KTN1: variants seen among roughly 807,000 people sequenced by gnomAD.
KTN1 encodes kinectin.
Under a neutral mutation model 222.5 loss-of-function variants are expected in KTN1, and 130 were observed. The ratio of observed to expected loss-of-function variants is 0.58; its 90% CI spans 0.51 to 0.68. The LOEUF (loss-of-function observed/expected upper bound fraction) is 0.68. Among genes scored for constraint, KTN1 ranks in the 30% least tolerant of loss-of-function variants. The probability of loss-of-function intolerance (pLI) is 0.00; values close to 1 mark genes in which losing one functional copy is unlikely to be tolerated. For synonymous variants in KTN1, 512 were observed against 496.3 expected (o/e 1.03, Z -0.42); for missense variants, 1,508 against 1,500.4 (o/e 1.01, Z -0.08).
chr14:55,580,287 A>C lies in KTN1; in HGVS notation c.-98A>C, dbSNP rs1230379743. The C allele has an allele frequency of 6.5e-6, 1 of 153,072 alleles. No homozygotes were observed. Among genetic ancestry groups the C allele is most frequent in the African/African-American group, 2.5e-5 (1 of 40,292 alleles). The allele number at this position is 153,072 out of a possible 1,614,324, so 9.5% of individuals were successfully genotyped here. ...GGCGGCGGCGGCGGCGGCGCCTCGG[A>C]GCGGGCGGCCCGGGCTGTAGTGCCG... On this transcript the variant is annotated 5_prime_UTR_variant, in exon 1 of 44. Coordinates refer to ENST00000395314, the MANE Select transcript of KTN1 (RefSeq NM_001079521.2).
chr14:55,585,613 T>A (rs1367783807), intron 1 of KTN1, among the ~76,000 whole-genome samples: 1 of 152,232 alleles, frequency 6.6e-6, no homozygotes, highest in Non-Finnish European at 1.5e-5. Flanking sequence ...TTTATAGATT[T>A]TTCCAGTTAT....
intron 2 of KTN1, among the ~76,000 whole-genome samples, chr14:55,613,815 C>A (rs1180771737): frequency 6.6e-6 from 1 of 151,890 alleles, no homozygotes; most frequent in African/African-American, 2.4e-5. Context: ...AGGATCAAGG[C>A]ATAGTAAGAA....
chr14:55,660,943 C>T (rs1477995271), intron 31 of KTN1, among the ~76,000 whole-genome samples: 3 of 152,166 alleles, frequency 2.0e-5, no homozygotes. Flanking sequence ...TAACTTTCTA[C>T]TCCAGCCACT....
At chr14:55,607,716 A>T (rs1289017549) in intron 1 of KTN1, among the ~76,000 whole-genome samples, 1 of 152,130 alleles carries the variant, frequency 6.6e-6, no homozygotes, top group African/African-American at 2.4e-5. Flanking sequence ...GAGGTTAAAG[A>T]GGTAACTAAT....
chr14:55,651,585 A>T (rs979217044), intron 24 of KTN1: 5 of 373,924 alleles, frequency 1.3e-5, no homozygotes, highest in Non-Finnish European at 2.5e-5. Flanking sequence ...AACCAGTTAC[A>T]GATTTCTTTA....
chr14:55,615,404 C>T (rs1397155280), intron 2 of KTN1, among the ~76,000 whole-genome samples: 1 of 148,494 alleles, frequency 6.7e-6, no homozygotes, highest in Non-Finnish European at 1.5e-5. Context: ...CATATCTTGA[C>T]AATTACCCTT....
chr14:55,679,679 G>C lies in KTN1; in HGVS notation c.4063G>C (p.Val1355Leu), dbSNP rs200347715. 1.3e-4 allele frequency: 206 copies of C among 1,613,694 alleles called. No homozygotes were observed. The highest frequency in any genetic ancestry group is 1.4e-4 in the Non-Finnish European group (171 of 1,179,848). ...QLTKEKEHYQ[V>L]LE ...CACAAAGGAGAAAGAGCACTACCAG[G>C]TGTTAGGTAAGGACAACTGAAATAT... Residue 1355 changes from valine to leucine, a missense_variant, in exon 43 of 44, where the codon GTG becomes CTG. By Grantham distance (32) the Val-to-Leu change is conservative. Coordinates refer to ENST00000395314, the MANE Select transcript of KTN1 (RefSeq NM_001079521.2).
chr14:55,658,680 T>C (rs2043773994), intron 30 of KTN1, 66 bp downstream of exon 30: 8 of 879,720 alleles, frequency 9.1e-6, no homozygotes, highest in South Asian at 7.6e-5. Flanking sequence ...CAGTGACATA[T>C]GAGTATTTTT....
chr14:55,670,513 G>A (rs974206576), intron 34 of KTN1, among the ~76,000 whole-genome samples: 1 of 151,956 alleles, frequency 6.6e-6, no homozygotes, highest in Non-Finnish European at 1.5e-5. Flanking sequence ...TTGATGGTAG[G>A]TACATAGGTC....
At chr14:55,662,993 A>G in intron 32 of KTN1, 1 of 455,894 alleles carries the variant, frequency 2.2e-6, no homozygotes, top group South Asian at 1.5e-5. Flanking sequence ...AGCAGATAGC[A>G]GTGTCAGTCT....
At chr14:55,666,008 A>G (rs1310215790) in intron 33 of KTN1, among the ~76,000 whole-genome samples, 1 of 151,976 alleles carries the variant, frequency 6.6e-6, no homozygotes, top group Non-Finnish European at 1.5e-5. Context: ...ACTTTGGTCA[A>G]ATGATAAGAA....
chr14:55,673,127 G>C (rs1276291322), intron 39 of KTN1, 45 bp from the exon 40 acceptor site: 1 of 1,520,660 alleles, frequency 6.6e-7, no homozygotes, highest in African/African-American at 1.4e-5. Context: ...ACAAAACATG[G>C]GCTATCATAA....
intron 34 of KTN1, among the ~76,000 whole-genome samples, chr14:55,669,804 G>A (rs2045282759): frequency 6.6e-6 from 1 of 151,934 alleles, no homozygotes; most frequent in African/African-American, 2.4e-5. Context: ...ACTATGGAGT[G>A]ACTCAGCATC....
chr14:55,680,799 T>G, intron 43 of KTN1: 1 of 887,572 alleles, frequency 1.1e-6, no homozygotes, highest in South Asian at 1.3e-5. Context: ...CTTCAACATA[T>G]CAACAAAAGT....
chr14:55,607,026 T>G (rs1372812408), intron 1 of KTN1, among the ~76,000 whole-genome samples: 1 of 152,226 alleles, frequency 6.6e-6, no homozygotes, highest in Non-Finnish European at 1.5e-5. Flanking sequence ...GTGGTGTGTC[T>G]TGTATATACA....
chr14:55,647,159 C>T (rs1006264810), intron 19 of KTN1, 152 bp downstream of exon 19: 3 of 588,096 alleles, frequency 5.1e-6, no homozygotes, highest in South Asian at 2.1e-5. Flanking sequence ...GTGGGTTTCA[C>T]GTGTGGCAGT....
intron 5 of KTN1, among the ~76,000 whole-genome samples, chr14:55,622,483 G>A (rs2039288213): frequency 6.6e-6 from 1 of 152,120 alleles, no homozygotes; most frequent in Non-Finnish European, 1.5e-5. Context: ...TATGTACTAT[G>A]TCATACTGGG....
chr14:55,593,729 T>C (rs76264681), intron 1 of KTN1, among the ~76,000 whole-genome samples: 11,686 of 152,218 alleles, frequency 0.077, 497 homozygotes, highest in South Asian at 0.12. Context: ...GCTATGACAT[T>C]GGATGTTTTG....
intron 7 of KTN1, among the ~76,000 whole-genome samples, chr14:55,632,813 G>A (rs2040684804): frequency 6.6e-6 from 1 of 152,126 alleles, no homozygotes; most frequent in Admixed American, 6.5e-5. Context: ...AATATAAAGT[G>A]TACCAAACAT....
Sources: gnomAD v4.1 joint callset for allele counts (sites outside exome capture counted in the v4.1 genomes callset) on GRCh38, gnomAD v4.1.1 for gene constraint, MANE v1.5 for transcripts, NCBI Gene and HGNC (gene_info 2026-07-23, HGNC 2026-07-21) for gene names.